Variants in DENND5B observed in about 807,000 individuals in gnomAD.
DENND5B encodes the protein DENN domain containing 5B, also known as DENN domain-containing protein 5B.
A neutral mutation model predicts 140.6 loss-of-function variants in DENND5B; 34 were observed. That is an observed-to-expected ratio of 0.24 (90% CI 0.18 to 0.32). DENND5B has a LOEUF of 0.32. Among genes scored for constraint, DENND5B ranks in the 10% least tolerant of loss-of-function variants. DENND5B has a pLI of 1.00. For synonymous variants in DENND5B, 551 were observed against 562.1 expected (o/e 0.98, Z 0.28); for missense variants, 1,142 against 1,560.2 (o/e 0.73, Z 4.52).
At chr12:31,456,907 C>T (rs1271392977) in intron 4 of DENND5B, among the ~76,000 whole-genome samples, 1 of 152,048 alleles carries the variant, frequency 6.6e-6, no homozygotes, top group African/African-American at 2.4e-5. Context: ...AGTGAGACTC[C>T]ATCTCTACAA....
chr12:31,528,489 T>G (rs1048186648), intron 1 of DENND5B, among the ~76,000 whole-genome samples: 2 of 152,188 alleles, frequency 1.3e-5, no homozygotes, highest in Admixed American at 1.3e-4. Context: ...GACCTGACAT[T>G]TAATCTACCT....
intron 11 of DENND5B, among the ~76,000 whole-genome samples, chr12:31,418,137 T>C (rs561506890): frequency 6.6e-6 from 1 of 152,278 alleles, no homozygotes; most frequent in Non-Finnish European, 1.5e-5. Flanking sequence ...GGACATTTGT[T>C]GTGGCGATTT....
At chr12:31,424,163 G>A (rs1055938384) in intron 10 of DENND5B, among the ~76,000 whole-genome samples, 2 of 152,224 alleles carry the variant, frequency 1.3e-5, no homozygotes, top group South Asian at 4.2e-4. Context: ...AAATCAGAAA[G>A]GGAGACTAGA....
intron 1 of DENND5B, among the ~76,000 whole-genome samples, chr12:31,512,019 C>T (rs1041032231): frequency 2.9e-5 from 4 of 138,004 alleles, no homozygotes; most frequent in Non-Finnish European, 4.5e-5. Flanking sequence ...TGGGTTCAAG[C>T]GATTCTCCTA....
chr12:31,464,533 C>A (rs1341508708), intron 3 of DENND5B, among the ~76,000 whole-genome samples: 1 of 152,064 alleles, frequency 6.6e-6, no homozygotes, highest in Non-Finnish European at 1.5e-5. Flanking sequence ...CCCATCATCT[C>A]CTAGAGAGCA....
In DENND5B at chr12:31,576,523, A is replaced by G. The variant is rs1263488411; in HGVS notation, c.127+14183T>C. Among the ~76,000 whole-genome samples the G allele has an allele frequency of 1.1e-4, 16 of 151,882 alleles. 1 individual carries two copies. The highest frequency in any genetic ancestry group is 1.2e-4 in the Non-Finnish European group (8 of 68,028). On this transcript the variant is annotated intron_variant, in intron 1 of 20. Transcript: ENST00000389082. Reference sequence around the variant, plus strand: ...AAAGAGAGAAAGAAAAGAAAAAAGAAAAAAAGAAATTTCCCAGTTTCTGCT... The same window carrying G: ...AAAGAGAGAAAGAAAAGAAAAAAGAGAAAAAGAAATTTCCCAGTTTCTGCT...
intron 11 of DENND5B, among the ~76,000 whole-genome samples, chr12:31,423,085 C>T (rs1943098357): frequency 6.6e-6 from 1 of 151,988 alleles, no homozygotes; most frequent in Non-Finnish European, 1.5e-5. Flanking sequence ...GGACTACAGG[C>T]ACCTGCCACC....
intron 3 of DENND5B, among the ~76,000 whole-genome samples, chr12:31,473,220 G>C (rs961049105): frequency 3.9e-5 from 6 of 152,220 alleles, no homozygotes; most frequent in African/African-American, 1.4e-4. Context: ...TTACAGGCAG[G>C]AGCCATTGCC....
chr12:31,399,705 C>T lies in DENND5B; in HGVS notation c.3017G>A (p.Trp1006Ter). ...GHDNSGLLAK[W>*]LVDCVMVRNE... ...TCTGACCATGACACAATCCACTAGC[C>T]ATTTGGCTAACAGTCCTGAGTTATC... Residue 1006 changes from tryptophan to a stop codon, truncating the protein, a stop_gained, in exon 16 of 21, where the codon TGG becomes TAG. Coordinates refer to ENST00000389082, the MANE Select transcript of DENND5B (RefSeq NM_144973.4). LOFTEE classifies it high-confidence loss of function. 2 of 1,613,946 alleles carry T rather than the reference C, an allele frequency of 1.2e-6. No individual in the cohort carries two copies. Among genetic ancestry groups the T allele is most frequent in the Non-Finnish European group, 8.5e-7 (1 of 1,179,908 alleles).
rs559926838 is a variant in DENND5B at position 31,398,176 on chromosome 12, G to A, written c.3255C>T (p.Asn1085=). The A allele has an allele frequency of 5.1e-6, 8 of 1,583,234 alleles. No individual in the cohort carries two copies. In the Admixed American group the frequency reaches 9.1e-5, roughly 18 times the overall value. Residue 1085 remains asparagine (N), a splice_region_variant and synonymous_variant, in exon 17 of 21, where the codon AAC becomes AAT. Transcript: ENST00000389082. ...TAAGAAAAATTTAAATAAATTTACT[G>A]TTGTTTTTTCCTGTCAGTGAAGTGA... ...LSITSLTGKN[N]KPNAGQIQEG...
At chr12:31,409,202 TA>T in intron 14 of DENND5B, 60 bp downstream of exon 14, 4 of 1,472,800 alleles carry the variant, frequency 2.7e-6, no homozygotes, top group Non-Finnish European at 3.6e-6. Context: ...TTAAAAAATA[TA>T]AATGCTTTTA....
intron 15 of DENND5B, among the ~76,000 whole-genome samples, chr12:31,400,340 A>ATG (rs1439966597): frequency 2.0e-5 from 3 of 152,224 alleles, no homozygotes; most frequent in Non-Finnish European, 2.9e-5. Flanking sequence ...CTCAGACCTC[A>ATG]TATACTAGAA....
chr12:31,559,210 G>A (rs937325757), intron 1 of DENND5B, among the ~76,000 whole-genome samples: 3 of 152,142 alleles, frequency 2.0e-5, no homozygotes, highest in African/African-American at 7.2e-5. Flanking sequence ...AGGAAACGAT[G>A]AACTCATGGC....
Position 31,521,380 on chromosome 12 carries a change from G to A in DENND5B, c.128-25461C>T, listed in dbSNP as rs141266396. The stretch of plus-strand genomic sequence containing the variant: ...CTGCTCTGGCTGCACTCGAACTCCC[G>A]GGTTCAAGTGATCCACCTGCCTCAG... On this transcript the variant is annotated intron_variant, in intron 1 of 20. Transcript: ENST00000389082. 1.5e-3 allele frequency among the ~76,000 whole-genome samples: 222 copies of A among 151,430 alleles called. 1 individual carries two copies. The highest frequency in any genetic ancestry group is 4.9e-3 in the African/African-American group (202 of 41,270).
rs905483194 is a variant in DENND5B, at chr12:31,382,846, C to T, written c.*4757G>A. The T allele has an allele frequency of 1.3e-5, 2 of 151,996 alleles. No individual in the cohort carries two copies. Among genetic ancestry groups the T allele is most frequent in the Non-Finnish European group, 2.9e-5 (2 of 68,008 alleles). The allele number at this position is 151,996 out of a possible 1,614,324, so 9.4% of individuals were successfully genotyped here. A position where few individuals can be genotyped will look rare whatever the true frequency, so the allele number is the denominator to read the frequency against. On this transcript the variant is annotated 3_prime_UTR_variant, in exon 21 of 21. Transcript: ENST00000389082. ...TCCTTAGATTCTTTTGATCACACTA[C>T]ATCAGCAACCTCTTCAAAAAGCTTA...
rs1191923387 is a variant in DENND5B, at chr12:31,385,055, C to CA, written c.*2547dup. 2 of 152,136 alleles carry CA rather than the reference C, an allele frequency of 1.3e-5. No individual in the cohort carries two copies. The highest frequency in any genetic ancestry group is 4.8e-5 in the African/African-American group (2 of 41,416). The allele number at this position is 152,136 out of a possible 1,614,324, so 9.4% of individuals were successfully genotyped here. On this transcript the variant is annotated 3_prime_UTR_variant, in exon 21 of 21. Transcript: ENST00000389082. ...TCAGACTCCCAAAGTGTCAGGATTA[C>CA]AGGCGTTAGCCACCGTACCTGGCCT...
rs560864689 is a variant in DENND5B, at chr12:31,578,387, A to G, written c.127+12319T>C. 1.2e-3 allele frequency among the ~76,000 whole-genome samples: 178 copies of G among 152,338 alleles called. 2 individuals carry two copies. The highest frequency in any genetic ancestry group is 4.2e-3 in the African/African-American group (176 of 41,580). Reference sequence around the variant, plus strand: ...ATAGTTTTCTAGAGGAAAGTAAAGCAAACAGACTGACTACTTCTGCAGTGA... The same window carrying G: ...ATAGTTTTCTAGAGGAAAGTAAAGCGAACAGACTGACTACTTCTGCAGTGA... On this transcript the variant is annotated intron_variant, in intron 1 of 20. Coordinates refer to ENST00000389082, the MANE Select transcript of DENND5B (RefSeq NM_144973.4).
Position 31,435,642 on chromosome 12 carries a change from C to A in DENND5B, c.2013-2394G>T, listed in dbSNP as rs1435346763. On this transcript the variant is annotated intron_variant, in intron 7 of 20. Transcript: ENST00000389082. ...TCAAATCATCTACTTCCCTTGAAAA[C>A]GCTTTTTAAATTTTGTTTTAGTTTG... Among the ~76,000 whole-genome samples, 3 of 131,556 alleles carry A rather than the reference C, an allele frequency of 2.3e-5. No individual in the cohort carries two copies. In the Admixed American group the frequency reaches 2.6e-4, roughly 11 times the overall value. The allele number at this position is 131,556 out of a possible 152,430, so 86.3% of individuals were successfully genotyped here. A position where few individuals can be genotyped will look rare whatever the true frequency, so the allele number is the denominator to read the frequency against.
At chr12:31,548,833 G>C (rs553999006) in intron 1 of DENND5B, among the ~76,000 whole-genome samples, 1 of 152,208 alleles carries the variant, frequency 6.6e-6, no homozygotes, top group Non-Finnish European at 1.5e-5. Context: ...ATATTATTGG[G>C]TACAGCTGAA....
Sources: allele counts gnomAD v4.1 joint callset (sites outside exome capture counted in the v4.1 genomes callset), GRCh38; gene constraint gnomAD v4.1.1; transcripts MANE v1.5; gene names NCBI Gene and HGNC (gene_info 2026-07-23, HGNC 2026-07-21).